The following NAA35 variants were observed in gnomAD, a reference collection of about 807,000 sequenced individuals.
The protein encoded by NAA35 is MAK10 homolog, amino-acid N-acetyltransferase subunit.
Under a neutral mutation model 101.7 loss-of-function variants are expected in NAA35, and 18 were observed. The ratio of observed to expected loss-of-function variants is 0.18; its 90% confidence interval spans 0.12 to 0.26. The LOEUF (loss-of-function observed/expected upper bound fraction) is 0.26, where lower values mean the gene tolerates loss of function less well. NAA35 is among the 10% of genes least tolerant of loss of function. The pLI is 1.00. For synonymous variants in NAA35, 267 were observed against 273.1 expected (o/e 0.98, Z 0.22); for missense variants, 601 against 886.8 (o/e 0.68, Z 4.09).
intron 8 of NAA35, among the ~76,000 whole-genome samples, chr9:85,976,306 T>A (rs1046372365): frequency 1.8e-4 from 27 of 152,232 alleles, no homozygotes; most frequent in Non-Finnish European, 2.2e-4. Context: ...TATTTTTTCA[T>A]AATGTGATTT....
chr9:85,968,347 A>G (rs547754967), intron 6 of NAA35, among the ~76,000 whole-genome samples: 4 of 152,150 alleles, frequency 2.6e-5, no homozygotes, highest in Non-Finnish European at 5.9e-5. Context: ...AGTAGCTGGG[A>G]CTACAGGCAC....
At chr9:85,989,494 A>C (rs189713406) in intron 11 of NAA35, among the ~76,000 whole-genome samples, 13 of 151,348 alleles carry the variant, frequency 8.6e-5, no homozygotes, top group South Asian at 4.2e-4. Flanking sequence ...AACAAACAAA[A>C]AAAAACAAAG....
chr9:85,946,096 A>G (rs952711917), intron 2 of NAA35, among the ~76,000 whole-genome samples: 2 of 151,654 alleles, frequency 1.3e-5, no homozygotes, highest in East Asian at 3.9e-4. Context: ...TTTAAGTAAC[A>G]CTTCTAGGCT....
Position 85,973,070 on chromosome 9 carries a change from A to G in NAA35, c.517-1897A>G, listed in dbSNP as rs1475196739. On this transcript the variant is annotated intron_variant, in intron 6 of 22. Coordinates refer to ENST00000361671, the MANE Select transcript of NAA35 (RefSeq NM_024635.4). ...AATTGACATTAGAACAGAGGCTGGA[A>G]TATAAGGGATGAAACCTTGTAAATA... Among the ~76,000 whole-genome samples, 7 of 152,250 alleles carry G rather than the reference A, an allele frequency of 4.6e-5. 1 individual carries two copies.
At chr9:85,990,655 T>G (rs965228233) in intron 11 of NAA35, among the ~76,000 whole-genome samples, 1 of 152,256 alleles carries the variant, frequency 6.6e-6, no homozygotes, top group Admixed American at 6.5e-5. Context: ...CTTGCTCTTC[T>G]TTCCTTCTCT....
chr9:86,021,928 C>T lies in NAA35; in HGVS notation c.2146C>T (p.His716Tyr), dbSNP rs1212254253. The T allele has an allele frequency of 6.2e-7, 1 of 1,613,490 alleles. No homozygotes were observed. Among genetic ancestry groups the T allele is most frequent in the South Asian group, 1.1e-5 (1 of 90,978 alleles). The change falls in exon 23 of 23, where the codon CAT becomes TAT. Residue 716 changes from histidine (H) to tyrosine (Y), a missense_variant. Around this residue, in one of 8 missense-constraint regions of NAA35, gnomAD observed 21 missense variants for 51.4 expected, o/e 0.41. Transcript: ENST00000361671. ...KVPPEFDFSA[H>Y]KYFPVVKLV ...TCCTCCTGAATTTGATTTCTCTGCT[C>T]ATAAATATTTTCCTGTTGTGAAACT... is the stretch of plus-strand genomic sequence containing the variant.
At chr9:85,978,761 C>T (rs1200909219) in intron 11 of NAA35, among the ~76,000 whole-genome samples, 1 of 152,040 alleles carries the variant, frequency 6.6e-6, no homozygotes, top group East Asian at 1.9e-4. Context: ...TCTTCCTCCC[C>T]GAGAATTCAG....
At chr9:85,957,413 G>C (rs541277561) in intron 3 of NAA35, among the ~76,000 whole-genome samples, 14 of 152,218 alleles carry the variant, frequency 9.2e-5, no homozygotes, top group East Asian at 5.8e-4. Context: ...CTTTGTCTAG[G>C]TGGACTCCTG....
intron 2 of NAA35, among the ~76,000 whole-genome samples, chr9:85,945,686 T>C (rs1828731709): frequency 6.6e-6 from 1 of 151,978 alleles, no homozygotes; most frequent in South Asian, 2.1e-4. Flanking sequence ...GCCTGGCTAA[T>C]TTTTTTGTAT....
At chr9:85,964,861 G>A (rs1196405821) in intron 6 of NAA35, among the ~76,000 whole-genome samples, 1 of 152,076 alleles carries the variant, frequency 6.6e-6, no homozygotes, top group Admixed American at 6.5e-5. Flanking sequence ...TATGGTTACT[G>A]TTTTTTTCCC....
chr9:85,993,075 A>T (rs993818358), intron 11 of NAA35, among the ~76,000 whole-genome samples: 23 of 152,356 alleles, frequency 1.5e-4, no homozygotes, highest in Non-Finnish European at 3.2e-4. Flanking sequence ...GATACATGCA[A>T]CATAATGGAT....
rs200918536 is a variant in NAA35, at chr9:85,996,522, A to G, written c.1001A>G (p.Asp334Gly). The change falls in exon 12 of 23, where the codon GAT becomes GGT. Residue 334 changes from aspartate to glycine, a missense_variant. Physicochemically the swap from Asp to Gly is moderately conservative, Grantham distance 94 (BLOSUM62 -1). Transcript: ENST00000361671. ...GTGAACTATTTTGCAAGATTAATAG[A>G]TAGAATAAAAACTGTCTGTGAGGTT... is the stretch of plus-strand genomic sequence containing the variant. ...EMVNYFARLI[D>G]RIKTVCEVVN... is the part of the protein sequence containing the mutation. 3.0e-4 allele frequency: 487 copies of G among 1,603,344 alleles called. 5 individuals are homozygous for G. The Middle Eastern group carries it at 3.7e-3, about 12-fold the overall frequency.
chr9:85,961,490 A>G (rs927937957), intron 5 of NAA35, among the ~76,000 whole-genome samples: 1 of 152,230 alleles, frequency 6.6e-6, no homozygotes, highest in African/African-American at 2.4e-5. Context: ...TGCCAGACAT[A>G]TAGTGGTCAC....
At chr9:86,020,186 CAG>C (rs1327686560) in intron 21 of NAA35, among the ~76,000 whole-genome samples, 1 of 152,094 alleles carries the variant, frequency 6.6e-6, no homozygotes, top group Admixed American at 6.5e-5. Context: ...TGGAGGGAAG[CAG>C]AGTGCCTGGA....
intron 6 of NAA35, among the ~76,000 whole-genome samples, chr9:85,966,027 A>C (rs545083106): frequency 4.6e-5 from 7 of 152,110 alleles, no homozygotes; most frequent in Non-Finnish European, 8.8e-5. Flanking sequence ...GTAGCCTTGA[A>C]CTCCTATGCT....
chr9:85,958,653 T>TA, intron 4 of NAA35, 67 bp downstream of exon 4: 1 of 1,007,952 alleles, frequency 9.9e-7, no homozygotes, highest in Non-Finnish European at 1.5e-6. Flanking sequence ...ACATGGTGCT[T>TA]AATAATGAAA....
chr9:85,953,508 C>T (rs1180490824), intron 2 of NAA35, among the ~76,000 whole-genome samples: 7 of 152,172 alleles, frequency 4.6e-5, no homozygotes, highest in Non-Finnish European at 2.9e-5. Flanking sequence ...CTCACTGCAA[C>T]CTCTGCCTCC....
chr9:86,011,609 T>C (rs1026461289), intron 15 of NAA35, among the ~76,000 whole-genome samples: 2 of 151,494 alleles, frequency 1.3e-5, no homozygotes, highest in African/African-American at 4.8e-5. Context: ...TCCGCCCGTC[T>C]TGGCCTCCCA....
chr9:85,956,371 G>T lies in NAA35; in HGVS notation c.136G>T (p.Gly46Ter). ...CTTTTTTTTTTTAGAATTAAAGTTG[G>T]GAGAACTACTTCATGATAAGCTGTA... ...FEEACRELKLGELLHDKLFGL... is the reference protein window; with the variant it reads ...FEEACRELKL The change falls in exon 3 of 23, where the codon GGA (glycine) becomes TGA (stop). Residue 46 changes from glycine (G) to a stop codon, truncating the protein, a stop_gained. Coordinates refer to ENST00000361671, the MANE Select transcript of NAA35 (RefSeq NM_024635.4). LOFTEE classifies it high-confidence loss of function. The T allele has an allele frequency of 7.2e-7, 1 of 1,391,922 alleles. No homozygotes were observed. The highest frequency in any genetic ancestry group is 9.8e-7 in the Non-Finnish European group (1 of 1,024,560). The allele number at this position is 1,391,922 out of a possible 1,614,324, so 86.2% of individuals were successfully genotyped here. A position where few individuals can be genotyped will look rare whatever the true frequency, so the allele number is the denominator to read the frequency against.
Sources: gnomAD v4.1 joint callset for allele counts (sites outside exome capture counted in the v4.1 genomes callset) on GRCh38, gnomAD v4.1.1 for gene constraint, gnomAD v4.1.1 regional missense constraint, MANE v1.5 for transcripts, NCBI Gene and HGNC (gene_info 2026-07-23, HGNC 2026-07-21) for gene names.